Variants in GPC6 observed in about 807,000 individuals in gnomAD.
GPC6 encodes the protein glypican-6.
A neutral mutation model predicts 55.2 loss-of-function variants in GPC6; 14 were observed. The observed-to-expected ratio is 0.25, with a 90% CI of 0.17 to 0.40. GPC6 has a LOEUF of 0.40. GPC6 is among the 10% of genes least tolerant of loss of function. The pLI is 1.00. For missense variants in GPC6, 641 were observed against 708.5 expected, an observed-to-expected ratio of 0.90 and a Z score of 1.08; for synonymous variants, 278 against 259.6, an observed-to-expected ratio of 1.07 and a Z score of -0.68.
At chr13:93,928,911 T>A (rs1263176896) in intron 3 of GPC6, among the ~76,000 whole-genome samples, 2 of 89,342 alleles carry the variant, frequency 2.2e-5, no homozygotes, top group Non-Finnish European at 4.4e-5. Flanking sequence ...AGTAGGTGTG[T>A]GTGTGTACAT....
chr13:93,911,720 C>T (rs754745559), intron 3 of GPC6, among the ~76,000 whole-genome samples: 1 of 152,138 alleles, frequency 6.6e-6, no homozygotes, highest in Non-Finnish European at 1.5e-5. Flanking sequence ...GACTGTTTCC[C>T]CACTTGTAAA....
At chr13:94,226,571 G>A (rs1335525943) in intron 4 of GPC6, among the ~76,000 whole-genome samples, 1 of 152,078 alleles carries the variant, frequency 6.6e-6, no homozygotes, top group Admixed American at 6.6e-5. Context: ...AGGTACCTGA[G>A]GCTCTTTTCT....
chr13:93,828,601 C>T (rs1887361263), intron 2 of GPC6, among the ~76,000 whole-genome samples: 1 of 152,048 alleles, frequency 6.6e-6, no homozygotes, highest in East Asian at 1.9e-4. Context: ...TAATATTCAA[C>T]TTTATTTTAC....
At chr13:93,903,899 G>A (rs1346258022) in intron 3 of GPC6, among the ~76,000 whole-genome samples, 1 of 151,900 alleles carries the variant, frequency 6.6e-6, no homozygotes, top group African/African-American at 2.4e-5. Flanking sequence ...CTTGTATGTT[G>A]TCTTTCCCTG....
intron 3 of GPC6, among the ~76,000 whole-genome samples, chr13:93,851,489 A>C (rs1277763930): frequency 6.6e-6 from 1 of 151,882 alleles, no homozygotes; most frequent in Admixed American, 6.6e-5. Context: ...AAGTGATCAC[A>C]AATGAAGTCA....
intron 2 of GPC6, among the ~76,000 whole-genome samples, chr13:93,705,204 A>T (rs1221848535): frequency 6.6e-6 from 1 of 151,928 alleles, no homozygotes; most frequent in Non-Finnish European, 1.5e-5. Flanking sequence ...TGTTGTCCAT[A>T]CATATGTCAT....
intron 3 of GPC6, among the ~76,000 whole-genome samples, chr13:93,908,883 T>G (rs538248719): frequency 6.6e-6 from 1 of 152,310 alleles, no homozygotes; most frequent in South Asian, 2.1e-4. Flanking sequence ...CCTTCTGGTA[T>G]CTGTTTAAAT....
chr13:94,238,437 G>A (rs1386980328), intron 4 of GPC6, among the ~76,000 whole-genome samples: 1 of 152,104 alleles, frequency 6.6e-6, no homozygotes, highest in Non-Finnish European at 1.5e-5. Context: ...AGAGGTGGAA[G>A]AAACACAGGA....
Position 94,091,550 on chromosome 13 carries a change from A to G in GPC6, c.877+63656A>G, listed in dbSNP as rs1594728902. On this transcript the variant is annotated intron_variant, in intron 4 of 8. Coordinates refer to ENST00000377047, the MANE Select transcript of GPC6 (RefSeq NM_005708.5). ...AGGCAGATATCTGTGGAGTTCTGCA[A>G]GAAACCACACAACAAACTTTGTATT... Among the ~76,000 whole-genome samples, 3 of 152,316 alleles carry G rather than the reference A, an allele frequency of 2.0e-5. No individual in the cohort carries two copies. In the East Asian group the frequency reaches 5.8e-4, roughly 29 times the overall value.
chr13:93,538,687 C>T (rs1882161680), intron 1 of GPC6, among the ~76,000 whole-genome samples: 1 of 152,150 alleles, frequency 6.6e-6, no homozygotes, highest in Non-Finnish European at 1.5e-5. Flanking sequence ...AGAAAAACAT[C>T]AAGCAAAGTA....
At chr13:93,682,691 T>A (rs1881893041) in intron 2 of GPC6, among the ~76,000 whole-genome samples, 1 of 151,920 alleles carries the variant, frequency 6.6e-6, no homozygotes, top group South Asian at 2.1e-4. Flanking sequence ...TGAAAAAAAA[T>A]ATATACATCT....
chr13:93,941,279 A>G (rs1436335677), intron 3 of GPC6, among the ~76,000 whole-genome samples: 1 of 152,246 alleles, frequency 6.6e-6, no homozygotes, highest in East Asian at 1.9e-4. Flanking sequence ...AGTATATTAT[A>G]AAGTCACTGG....
At chr13:94,010,445 C>T (rs74999684) in intron 3 of GPC6, among the ~76,000 whole-genome samples, 2,446 of 152,228 alleles carry the variant, frequency 0.016, 55 homozygotes, top group South Asian at 0.068. Context: ...TGAATTAACT[C>T]TTTCAACTTG....
chr13:93,704,311 G>T (rs919269369), intron 2 of GPC6, among the ~76,000 whole-genome samples: 1 of 151,750 alleles, frequency 6.6e-6, no homozygotes, highest in Non-Finnish European at 1.5e-5. Flanking sequence ...CTGCAAATAA[G>T]CCCCAAAATA....
intron 2 of GPC6, among the ~76,000 whole-genome samples, chr13:93,748,432 T>C (rs936901231): frequency 3.9e-5 from 6 of 152,070 alleles, no homozygotes; most frequent in Admixed American, 2.0e-4. Flanking sequence ...ATTTGCCATG[T>C]TTTCTTCTAT....
intron 6 of GPC6, among the ~76,000 whole-genome samples, chr13:94,367,138 A>G (rs1391490172): frequency 6.6e-6 from 1 of 152,244 alleles, no homozygotes; most frequent in African/African-American, 2.4e-5. Flanking sequence ...GCCTGTCAAG[A>G]ATGCTCTAGA....
intron 2 of GPC6, among the ~76,000 whole-genome samples, chr13:93,589,841 G>A (rs1003286583): frequency 3.3e-5 from 5 of 152,288 alleles, no homozygotes; most frequent in Non-Finnish European, 7.4e-5. Flanking sequence ...TAATCCTGAT[G>A]ACATCATGTG....
At chr13:94,019,350 T>C (rs1321114662) in intron 3 of GPC6, among the ~76,000 whole-genome samples, 1 of 152,186 alleles carries the variant, frequency 6.6e-6, no homozygotes, top group Non-Finnish European at 1.5e-5. Flanking sequence ...GTGTATATTA[T>C]ATTACCACAA....
intron 2 of GPC6, among the ~76,000 whole-genome samples, chr13:93,827,018 T>A (rs1303617070): frequency 6.6e-6 from 1 of 152,238 alleles, no homozygotes; most frequent in Non-Finnish European, 1.5e-5. Flanking sequence ...AAAGGTTTTT[T>A]GTGCACCTAT....
Sources: allele counts gnomAD v4.1 joint callset (sites outside exome capture counted in the v4.1 genomes callset), GRCh38; gene constraint gnomAD v4.1.1; transcripts MANE v1.5; gene names NCBI Gene and HGNC (gene_info 2026-07-23, HGNC 2026-07-21).